Variants in SHISA9 observed in about 807,000 individuals in gnomAD.
SHISA9 encodes shisa family member 9.
A neutral mutation model predicts 38.0 loss-of-function variants in SHISA9; 13 were observed. The observed-to-expected ratio is 0.34, with a 90% CI of 0.22 to 0.54. The LOEUF (loss-of-function observed/expected upper bound fraction) is 0.54, where lower values mean the gene tolerates loss of function less well. SHISA9 is among the 20% of genes least tolerant of loss of function. The probability of loss-of-function intolerance (pLI) is 0.91; values close to 1 mark genes in which losing one functional copy is unlikely to be tolerated. For missense variants in SHISA9, 538 were observed against 575.8 expected, an observed-to-expected ratio of 0.93 and a Z score of 0.67; for synonymous variants, 275 against 242.0, an observed-to-expected ratio of 1.14 and a Z score of -1.27.
intron 2 of SHISA9, among the ~76,000 whole-genome samples, chr16:13,015,771 C>T (rs539861528): frequency 8.6e-5 from 13 of 151,742 alleles, no homozygotes; most frequent in Non-Finnish European, 1.8e-4. Flanking sequence ...TGAAATCTGG[C>T]GTCAATTTCA....
chr16:13,314,665 A>C, the SHISA9 span, among the ~76,000 whole-genome samples: 3 of 152,072 alleles, frequency 2.0e-5, no homozygotes, highest in Non-Finnish European at 4.4e-5. Flanking sequence ...ACCCATCGCC[A>C]CAATCAACAT....
At chr16:13,192,453 C>G (rs928680413) in intron 2 of SHISA9, among the ~76,000 whole-genome samples, 4 of 151,932 alleles carry the variant, frequency 2.6e-5, no homozygotes, top group African/African-American at 9.7e-5. Flanking sequence ...GAATCGTTAA[C>G]CAAGCACAAT....
At chr16:13,378,308 T>G in the SHISA9 span, among the ~76,000 whole-genome samples, 1 of 152,226 alleles carries the variant, frequency 6.6e-6, no homozygotes, top group Non-Finnish European at 1.5e-5. Flanking sequence ...TTCTTGGCTC[T>G]GTTTTACTGT....
At chr16:13,284,129 C>T in the SHISA9 span, among the ~76,000 whole-genome samples, 1 of 152,290 alleles carries the variant, frequency 6.6e-6, no homozygotes. Context: ...TCTGCCTTCT[C>T]AACTTAGCAG....
intron 2 of SHISA9, among the ~76,000 whole-genome samples, chr16:13,135,636 T>C (rs1255900338): frequency 6.6e-6 from 1 of 152,232 alleles, no homozygotes; most frequent in Non-Finnish European, 1.5e-5. Flanking sequence ...CCTTGCTTAA[T>C]GTATTGCATC....
intron 2 of SHISA9, among the ~76,000 whole-genome samples, chr16:13,158,376 A>G (rs2050565441): frequency 6.6e-6 from 1 of 152,218 alleles, no homozygotes; most frequent in African/African-American, 2.4e-5. Flanking sequence ...AAGTTCATAG[A>G]ATTTCTGGAT....
chr16:13,077,723 C>T (rs1321773387), intron 2 of SHISA9, among the ~76,000 whole-genome samples: 1 of 152,162 alleles, frequency 6.6e-6, no homozygotes, highest in Non-Finnish European at 1.5e-5. Context: ...CTCAGACCCT[C>T]ATTCAGTTCC....
chr16:13,059,892 G>A (rs2073354156), intron 2 of SHISA9, among the ~76,000 whole-genome samples: 1 of 152,030 alleles, frequency 6.6e-6, no homozygotes. Flanking sequence ...CCTCCAAAGG[G>A]ACCCACCCTG....
intron 2 of SHISA9, among the ~76,000 whole-genome samples, chr16:13,046,151 C>A (rs560220834): frequency 4.8e-3 from 445 of 92,282 alleles, no homozygotes; most frequent in Non-Finnish European, 9.5e-3. Flanking sequence ...AGCAGGTTTT[C>A]CTCTGTGACT....
At chr16:13,207,618 G>A (rs751405382) in intron 3 of SHISA9, among the ~76,000 whole-genome samples, 14 of 152,110 alleles carry the variant, frequency 9.2e-5, no homozygotes, top group Non-Finnish European at 1.9e-4. Context: ...TGACCACTGT[G>A]AGAGTTCTCA....
At chr16:13,376,889 C>T in the SHISA9 span, among the ~76,000 whole-genome samples, 1 of 152,116 alleles carries the variant, frequency 6.6e-6, no homozygotes, top group East Asian at 1.9e-4. Flanking sequence ...GTTGCCCAGG[C>T]TGGTTTCGAA....
At chr16:13,490,595 C>G in the SHISA9 span, among the ~76,000 whole-genome samples, 1 of 152,154 alleles carries the variant, frequency 6.6e-6, no homozygotes, top group African/African-American at 2.4e-5. Flanking sequence ...AGGACAGAAC[C>G]TGAAGCCCCT....
intron 3 of SHISA9, chr16:13,204,694 G>A (rs991420732): frequency 1.3e-5 from 2 of 152,236 alleles, no homozygotes; most frequent in Non-Finnish European, 2.9e-5. Context: ...CCAAGTGCAA[G>A]ACATTGAATT....
At chr16:13,143,543 C>A (rs961039290) in intron 2 of SHISA9, among the ~76,000 whole-genome samples, 4 of 152,174 alleles carry the variant, frequency 2.6e-5, no homozygotes, top group African/African-American at 9.6e-5. Context: ...CACCATTTCC[C>A]TACCGTGCTC....
chr16:13,217,302 T>C lies in SHISA9; in HGVS notation c.895+4002T>C, dbSNP rs540256699. ...CAAAATAAATAAATAAATAAATTAA[T>C]TAATTAAAATAAAATCCACCCTGGA... On this transcript the variant is annotated intron_variant, in intron 4 of 4. Coordinates refer to ENST00000558583, the MANE Select transcript of SHISA9 (RefSeq NM_001145204.3). Among the ~76,000 whole-genome samples, 4 of 151,914 alleles carry C rather than the reference T, an allele frequency of 2.6e-5. No individual in the cohort carries two copies. The East Asian group carries it at 7.8e-4, about 29-fold the overall frequency.
chr16:13,019,366 T>C (rs970051177), intron 2 of SHISA9, among the ~76,000 whole-genome samples: 1 of 152,174 alleles, frequency 6.6e-6, no homozygotes, highest in Non-Finnish European at 1.5e-5. Context: ...AGATCCATTT[T>C]CTGGTGGGGG....
chr16:13,412,274 G>C, the SHISA9 span, among the ~76,000 whole-genome samples: 4 of 152,074 alleles, frequency 2.6e-5, no homozygotes, highest in African/African-American at 9.7e-5. Flanking sequence ...CCCTGTGAGG[G>C]GTCAGCACCA....
the SHISA9 span, among the ~76,000 whole-genome samples, chr16:13,381,040 G>A: frequency 1.3e-5 from 2 of 152,034 alleles, no homozygotes; most frequent in South Asian, 2.1e-4. Context: ...TGGTGTATAT[G>A]TGCCACATTT....
chr16:13,260,007 C>CTTTCT, the SHISA9 span, among the ~76,000 whole-genome samples: 4 of 60,450 alleles, frequency 6.6e-5, no homozygotes, highest in Non-Finnish European at 1.2e-4. Flanking sequence ...TTCTTTCTTT[C>CTTTCT]TTTTTTTTTT....
Sources: allele counts gnomAD v4.1 joint callset (sites outside exome capture counted in the v4.1 genomes callset), GRCh38; gene constraint gnomAD v4.1.1; transcripts MANE v1.5; gene names NCBI Gene and HGNC (gene_info 2026-07-23, HGNC 2026-07-21).